GPC5: variants seen among roughly 807,000 people sequenced by gnomAD.
GPC5 encodes the protein glypican-5.
In GPC5, 47 loss-of-function variants were observed where a neutral mutation model predicts 53.9. That is an observed-to-expected ratio of 0.87 (90% CI 0.69 to 1.11). GPC5 has a LOEUF of 1.11. GPC5 is among the 50% of genes most tolerant of loss of function. The pLI is 0.00. For missense variants in GPC5, 748 were observed against 713.1 expected (o/e 1.05, Z -0.56); for synonymous variants, 286 against 263.3 (o/e 1.09, Z -0.84).
At chr13:91,563,618 A>C (rs1025004384) in intron 2 of GPC5, among the ~76,000 whole-genome samples, 5 of 152,208 alleles carry the variant, frequency 3.3e-5, no homozygotes, top group East Asian at 1.9e-4. Context: ...TCATGACACA[A>C]ATAATTATGG....
chr13:92,826,246 C>A (rs1877843005), intron 7 of GPC5, among the ~76,000 whole-genome samples: 1 of 152,208 alleles, frequency 6.6e-6, no homozygotes, highest in African/African-American at 2.4e-5. Context: ...GGAGATTATT[C>A]TGGGAGGGCC....
intron 7 of GPC5, among the ~76,000 whole-genome samples, chr13:92,145,753 C>A (rs2041862648): frequency 2.0e-5 from 3 of 152,134 alleles, no homozygotes; most frequent in Non-Finnish European, 4.4e-5. Flanking sequence ...CTGGTTTCAA[C>A]TATTCATGTA....
In GPC5 at chr13:91,973,980, G is replaced by A. The variant is rs200517120; in HGVS notation, c.1401+65923G>A. Among the ~76,000 whole-genome samples the A allele has an allele frequency of 3.3e-4, 50 of 152,286 alleles. No individual in the cohort carries two copies. In the East Asian group the frequency reaches 4.4e-3, roughly 14 times the overall value. ...TGCCCGTTCTCAGATCTCCAGCTGC[G>A]TGCTGGGAGAACCACTACTCTCTTC... On this transcript the variant is annotated intron_variant, in intron 6 of 7. Coordinates refer to ENST00000377067, the MANE Select transcript of GPC5 (RefSeq NM_004466.6).
chr13:91,877,418 T>G (rs1314899520), intron 5 of GPC5, among the ~76,000 whole-genome samples: 1 of 152,188 alleles, frequency 6.6e-6, no homozygotes, highest in Non-Finnish European at 1.5e-5. Flanking sequence ...GGAACCTGCC[T>G]TTTGAATCAG....
chr13:91,970,661 AGTTTTTAGCATGAAGG>A (rs371296342), intron 6 of GPC5, among the ~76,000 whole-genome samples: 3,586 of 152,242 alleles, frequency 0.024, 141 homozygotes, highest in African/African-American at 0.082. Context: ...ATTTATTGAG[AGTTTTTAGCATGAAGG>A]GTTGTTGAAT....
chr13:91,769,328 G>A (rs1023305828), intron 5 of GPC5, among the ~76,000 whole-genome samples: 1 of 152,120 alleles, frequency 6.6e-6, no homozygotes, highest in Non-Finnish European at 1.5e-5. Flanking sequence ...TCACAGCAAC[G>A]TGTAGACTGC....
intron 7 of GPC5, among the ~76,000 whole-genome samples, chr13:92,282,123 G>A (rs541050746): frequency 4.6e-5 from 7 of 152,196 alleles, no homozygotes; most frequent in Non-Finnish European, 1.0e-4. Flanking sequence ...TAGCCGATTC[G>A]ATCAACTGGA....
At chr13:92,708,887 TTTTTTTTTTTTTTG>T (rs1888039291) in intron 7 of GPC5, among the ~76,000 whole-genome samples, 10 of 91,684 alleles carry the variant, frequency 1.1e-4, no homozygotes, top group Admixed American at 2.5e-4. Flanking sequence ...TTTTTTTTTT[TTTTTTTTTTTTTTG>T]AGGCAGAGTC....
intron 6 of GPC5, among the ~76,000 whole-genome samples, chr13:92,027,389 A>G (rs929815279): frequency 6.6e-6 from 1 of 152,172 alleles, no homozygotes; most frequent in African/African-American, 2.4e-5. Flanking sequence ...TTTCTCATCA[A>G]AATTATAATG....
At chr13:92,334,398 C>T (rs986841032) in intron 7 of GPC5, among the ~76,000 whole-genome samples, 4 of 152,144 alleles carry the variant, frequency 2.6e-5, no homozygotes, top group African/African-American at 7.2e-5. Context: ...CTAGGTCCCT[C>T]CCATGACACA....
chr13:92,038,066 T>C (rs1268406501), intron 6 of GPC5, among the ~76,000 whole-genome samples: 1 of 152,104 alleles, frequency 6.6e-6, no homozygotes, highest in Non-Finnish European at 1.5e-5. Flanking sequence ...GCACTAAGTG[T>C]TAGCAGCAGA....
intron 5 of GPC5, among the ~76,000 whole-genome samples, chr13:91,830,810 A>G (rs1285230964): frequency 1.4e-5 from 2 of 138,112 alleles, no homozygotes; most frequent in Admixed American, 7.8e-5. Context: ...TATAATATAT[A>G]TCCTATTATA....
At chr13:91,787,411 TTCTC>T (rs548733886) in intron 5 of GPC5, among the ~76,000 whole-genome samples, 8 of 152,302 alleles carry the variant, frequency 5.3e-5, no homozygotes, top group African/African-American at 1.7e-4. Context: ...TTCAAATGCT[TTCTC>T]TATCTGAGGT....
intron 7 of GPC5, among the ~76,000 whole-genome samples, chr13:92,846,998 A>T (rs1878634929): frequency 6.6e-6 from 1 of 152,102 alleles, no homozygotes; most frequent in Non-Finnish European, 1.5e-5. Flanking sequence ...CTACATGGAG[A>T]TGCTCATGGA....
At chr13:92,011,721 A>AAATC (rs1323752784) in intron 6 of GPC5, among the ~76,000 whole-genome samples, 20 of 152,234 alleles carry the variant, frequency 1.3e-4, no homozygotes, top group African/African-American at 4.6e-4. Context: ...AAACATTTAA[A>AAATC]AATCATTTAT....
chr13:91,883,768 G>A (rs1459474071), intron 5 of GPC5, among the ~76,000 whole-genome samples: 2 of 152,112 alleles, frequency 1.3e-5, no homozygotes, highest in Non-Finnish European at 2.9e-5. Context: ...ACCATTGAAA[G>A]ATTTTTTTTA....
At chr13:92,823,613 A>G (rs139985745) in intron 7 of GPC5, among the ~76,000 whole-genome samples, 7 of 152,182 alleles carry the variant, frequency 4.6e-5, no homozygotes, top group Middle Eastern at 6.8e-3. Flanking sequence ...AAGCCCTGCC[A>G]AAAGTGTCAT....
At chr13:91,811,423 T>C (rs1378776946) in intron 5 of GPC5, among the ~76,000 whole-genome samples, 1 of 152,110 alleles carries the variant, frequency 6.6e-6, no homozygotes, top group Non-Finnish European at 1.5e-5. Flanking sequence ...TGAATTTTTT[T>C]CTCAATTATG....
chr13:92,847,720 T>C (rs1402127047), intron 7 of GPC5, among the ~76,000 whole-genome samples: 2 of 152,070 alleles, frequency 1.3e-5, no homozygotes, highest in Non-Finnish European at 2.9e-5. Context: ...GAGTGTGTTG[T>C]ATGAAGATTT....
Sources: gnomAD v4.1 joint callset for allele counts (sites outside exome capture counted in the v4.1 genomes callset) on GRCh38, gnomAD v4.1.1 for gene constraint, MANE v1.5 for transcripts, NCBI Gene and HGNC (gene_info 2026-07-23, HGNC 2026-07-21) for gene names.